Variants in ABCB1 observed in about 807,000 individuals in gnomAD.
The protein encoded by ABCB1 is ATP binding cassette subfamily B member 1.
Under a neutral mutation model 142.0 loss-of-function variants are expected in ABCB1, and 69 were observed. The observed-to-expected ratio is 0.49, with a 90% confidence interval of 0.40 to 0.59. The LOEUF (loss-of-function observed/expected upper bound fraction) is 0.59. ABCB1 is among the 20% of genes least tolerant of loss of function. ABCB1 has a pLI of 0.00. For synonymous variants in ABCB1, 532 were observed against 539.2 expected (o/e 0.99, Z 0.18); for missense variants, 1,326 against 1,554.7 (o/e 0.85, Z 2.47).
At chr7:87,566,321 G>A in intron 6 of ABCB1, 80 bp from the exon 7 acceptor site, 1 of 1,422,910 alleles carries the variant, frequency 7.0e-7, no homozygotes, top group African/African-American at 1.4e-5. Flanking sequence ...TTTGAGTGTA[G>A]GGTAGTTTAT....
At chr7:87,628,645 G>T in intron 1 of ABCB1, 1 of 368,046 alleles carries the variant, frequency 2.7e-6, no homozygotes, top group Non-Finnish European at 4.8e-6. Context: ...TGCCAAGGGC[G>T]AGCCGTCAGT....
At chr7:87,696,860 C>G (rs372179306) in intron 1 of ABCB1, among the ~76,000 whole-genome samples, 1 of 152,158 alleles carries the variant, frequency 6.6e-6, no homozygotes, top group East Asian at 1.9e-4. Flanking sequence ...GGGTAAAAGT[C>G]CTTGTGGATA....
intron 1 of ABCB1, among the ~76,000 whole-genome samples, chr7:87,621,065 G>A (rs1229156181): frequency 6.6e-6 from 1 of 152,108 alleles, no homozygotes; most frequent in South Asian, 2.1e-4. Context: ...GCAAATATTG[G>A]GAAGATGTTA....
chr7:87,619,219 G>A (rs954150245), intron 1 of ABCB1, among the ~76,000 whole-genome samples: 7 of 152,054 alleles, frequency 4.6e-5, no homozygotes, highest in Non-Finnish European at 8.8e-5. Flanking sequence ...TCACTATCAA[G>A]GTCAATTATA....
At chr7:87,650,813 T>C (rs760055821) in intron 1 of ABCB1, 6 of 1,555,872 alleles carry the variant, frequency 3.9e-6, no homozygotes, top group Non-Finnish European at 4.4e-6. Flanking sequence ...AATAATCTTT[T>C]TTTCATAGGT....
At chr7:87,626,223 TGTCATATATATGTGTCATATATA>T (rs1232575207) in intron 1 of ABCB1, among the ~76,000 whole-genome samples, 17 of 24,258 alleles carry the variant, frequency 7.0e-4, no homozygotes, top group Non-Finnish European at 9.0e-4. Flanking sequence ...GTCATATATA[TGTCATATATATGTGTCATATATA>T]TGTCATATAT....
intron 1 of ABCB1, chr7:87,709,528 G>A (rs1829885737): frequency 1.0e-6 from 1 of 985,202 alleles, no homozygotes; most frequent in Non-Finnish European, 1.2e-6. Context: ...TGACTCGCAT[G>A]CTAACCATAC....
In ABCB1 at chr7:87,504,149, C is replaced by G. The variant is rs925043655; in HGVS notation, c.*94G>C. The G allele has an allele frequency of 9.3e-6, 14 of 1,504,654 alleles. No homozygotes were observed. Among genetic ancestry groups the G allele is most frequent in the Non-Finnish European group, 1.2e-5 (13 of 1,098,622 alleles). 93.2% of individuals were successfully genotyped at this position (1,504,654 alleles called of 1,614,324 possible). On this transcript the variant is annotated 3_prime_UTR_variant, in exon 28 of 28. Coordinates refer to ENST00000622132, the MANE Select transcript of ABCB1 (RefSeq NM_001348946.2). ...CTGAGGAAATGTTAAACAGATACCT[C>G]TTCATAATTCTGTAAGTGTTTGCTT... is the stretch of plus-strand genomic sequence containing the variant.
intron 1 of ABCB1, chr7:87,659,167 AAAC>A (rs1012448131): frequency 5.1e-5 from 21 of 409,694 alleles, no homozygotes; most frequent in African/African-American, 2.1e-4. Context: ...GTCTCAAAAC[AAAC>A]AACAACAACA....
intron 1 of ABCB1, among the ~76,000 whole-genome samples, chr7:87,610,480 T>TGAA (rs1324859890): frequency 1.3e-5 from 2 of 150,480 alleles, no homozygotes; most frequent in African/African-American, 4.9e-5. Context: ...GCAATCCTCT[T>TGAA]TCAAGTGTTC....
At chr7:87,587,011 A>C (rs972643118) in intron 3 of ABCB1, among the ~76,000 whole-genome samples, 1 of 152,168 alleles carries the variant, frequency 6.6e-6, no homozygotes, top group African/African-American at 2.4e-5. Context: ...CATGTTATTT[A>C]TGGGTTGATG....
chr7:87,508,362 G>A (rs1432762965), intron 26 of ABCB1, among the ~76,000 whole-genome samples: 2 of 152,198 alleles, frequency 1.3e-5, no homozygotes, highest in African/African-American at 2.4e-5. Flanking sequence ...TTCTGGCTAT[G>A]TGTATAAGGT....
intron 20 of ABCB1, among the ~76,000 whole-genome samples, chr7:87,534,528 T>C (rs566017467): frequency 1.3e-5 from 2 of 152,158 alleles, no homozygotes; most frequent in Non-Finnish European, 2.9e-5. Flanking sequence ...CATATGGATG[T>C]CTAATACAGA....
At chr7:87,542,894 C>T (rs1164136644) in intron 17 of ABCB1, among the ~76,000 whole-genome samples, 1 of 152,094 alleles carries the variant, frequency 6.6e-6, no homozygotes, top group Non-Finnish European at 1.5e-5. Flanking sequence ...AAATATTTAC[C>T]ATCTTACTGT....
At chr7:87,621,688 C>G (rs1820228503) in intron 1 of ABCB1, among the ~76,000 whole-genome samples, 1 of 151,864 alleles carries the variant, frequency 6.6e-6, no homozygotes, top group Non-Finnish European at 1.5e-5. Context: ...CACATAGTAA[C>G]AGATTGGTGA....
At chr7:87,568,199 G>T (rs565090939) in intron 5 of ABCB1, among the ~76,000 whole-genome samples, 11 of 149,580 alleles carry the variant, frequency 7.4e-5, no homozygotes, top group Middle Eastern at 3.2e-3. Flanking sequence ...TTCGAGACCA[G>T]CCTGACCAAA....
At chr7:87,649,472 C>T (rs556390716) in intron 1 of ABCB1, among the ~76,000 whole-genome samples, 1 of 152,172 alleles carries the variant, frequency 6.6e-6, no homozygotes, top group African/African-American at 2.4e-5. Flanking sequence ...GTAATTTTCT[C>T]TTAAGGGAAA....
At chr7:87,635,477 GACA>G (rs1821678182) in intron 1 of ABCB1, among the ~76,000 whole-genome samples, 1 of 152,052 alleles carries the variant, frequency 6.6e-6, no homozygotes, top group African/African-American at 2.4e-5. Flanking sequence ...ATGTATAACT[GACA>G]ACTTTATCTT....
intron 4 of ABCB1, among the ~76,000 whole-genome samples, chr7:87,583,443 C>G (rs987230345): frequency 6.6e-6 from 1 of 152,198 alleles, no homozygotes; most frequent in Admixed American, 6.5e-5. Flanking sequence ...TCTAAGCTTT[C>G]TCTTTCCCGT....
Sources: allele counts gnomAD v4.1 joint callset (sites outside exome capture counted in the v4.1 genomes callset), GRCh38; gene constraint gnomAD v4.1.1; transcripts MANE v1.5; gene names NCBI Gene and HGNC (gene_info 2026-07-23, HGNC 2026-07-21).